Variants in GPC6 observed in about 807,000 individuals in gnomAD.
The protein encoded by GPC6 is glypican-6.
GPC6 carries 14 observed loss-of-function variants against 55.2 expected under a neutral mutation model. The observed-to-expected ratio is 0.25, with a 90% CI of 0.17 to 0.40. The LOEUF (loss-of-function observed/expected upper bound fraction) is 0.40, where lower values mean the gene tolerates loss of function less well. GPC6 is among the 10% of genes least tolerant of loss of function. The pLI is 1.00. For synonymous variants in GPC6, 278 were observed against 259.6 expected (o/e 1.07, Z -0.68); for missense variants, 641 against 708.5 (o/e 0.90, Z 1.08).
intron 1 of GPC6, among the ~76,000 whole-genome samples, chr13:93,341,137 T>G (rs2139150642): frequency 6.6e-6 from 1 of 152,350 alleles, no homozygotes; most frequent in South Asian, 2.1e-4. Flanking sequence ...TAGCACATTT[T>G]CTTTATCCAC....
intron 2 of GPC6, among the ~76,000 whole-genome samples, chr13:93,556,821 C>T (rs1354230037): frequency 6.6e-6 from 1 of 152,036 alleles, no homozygotes; most frequent in Non-Finnish European, 1.5e-5. Flanking sequence ...CTTTCTGCGC[C>T]TGGCTTATTT....
At chr13:93,373,944 TCAA>T (rs1874780060) in intron 1 of GPC6, among the ~76,000 whole-genome samples, 1 of 152,218 alleles carries the variant, frequency 6.6e-6, no homozygotes, top group African/African-American at 2.4e-5. Flanking sequence ...ACTGAGTGCC[TCAA>T]ATGTCCTGAG....
chr13:93,380,983 A>G (rs1410965053), intron 1 of GPC6, among the ~76,000 whole-genome samples: 1 of 152,140 alleles, frequency 6.6e-6, no homozygotes, highest in Admixed American at 6.6e-5. Context: ...GCATTCTACT[A>G]AACTATTTAA....
intron 1 of GPC6, among the ~76,000 whole-genome samples, chr13:93,284,896 T>C (rs1268381078): frequency 6.6e-6 from 1 of 152,160 alleles, no homozygotes; most frequent in Non-Finnish European, 1.5e-5. Context: ...GGTTGTTATA[T>C]GGTCTGGGAA....
intron 1 of GPC6, among the ~76,000 whole-genome samples, chr13:93,362,788 A>AT (rs1347612409): frequency 1.3e-5 from 2 of 152,130 alleles, no homozygotes; most frequent in Non-Finnish European, 2.9e-5. Flanking sequence ...ACTGTGGTAC[A>AT]TTTTGTCCTA....
intron 2 of GPC6, among the ~76,000 whole-genome samples, chr13:93,585,139 A>G (rs1463320120): frequency 6.6e-6 from 1 of 152,208 alleles, no homozygotes; most frequent in African/African-American, 2.4e-5. Flanking sequence ...TGTTGTGACA[A>G]CCGATATGTG....
chr13:93,959,165 T>A (rs9516320), intron 3 of GPC6, among the ~76,000 whole-genome samples: 4 of 112,732 alleles, frequency 3.5e-5, no homozygotes, highest in Admixed American at 9.6e-5. Context: ...GTATGATTTT[T>A]TTTTTTTTTT....
intron 2 of GPC6, among the ~76,000 whole-genome samples, chr13:93,772,069 C>A (rs2138893693): frequency 6.6e-6 from 1 of 152,216 alleles, no homozygotes; most frequent in Middle Eastern, 3.4e-3. Context: ...ATGCTTTTGG[C>A]CCATAGCCCT....
chr13:93,939,224 T>C (rs1455597822), intron 3 of GPC6, among the ~76,000 whole-genome samples: 2 of 151,460 alleles, frequency 1.3e-5, no homozygotes, highest in Non-Finnish European at 2.9e-5. Flanking sequence ...GCCTGAATAG[T>C]TTAGATTGTC....
intron 4 of GPC6, among the ~76,000 whole-genome samples, chr13:94,169,848 G>A (rs1255295863): frequency 6.6e-6 from 1 of 151,994 alleles, no homozygotes; most frequent in African/African-American, 2.4e-5. Flanking sequence ...TTGCTGGAGA[G>A]TCCTACTCCA....
At chr13:94,258,556 T>C (rs1463641869) in intron 4 of GPC6, among the ~76,000 whole-genome samples, 7 of 152,230 alleles carry the variant, frequency 4.6e-5, no homozygotes, top group Admixed American at 2.6e-4. Flanking sequence ...CCACAAAGGT[T>C]TTCAGCATAC....
chr13:93,671,062 G>C (rs190852043), intron 2 of GPC6, among the ~76,000 whole-genome samples: 1 of 152,196 alleles, frequency 6.6e-6, no homozygotes, highest in African/African-American at 2.4e-5. Context: ...GTCTCTCAAT[G>C]GTTTCTCATT....
At chr13:93,822,829 TTTATTATTATTATTATTATTATTATTTTA>T (rs1887101232) in intron 2 of GPC6, among the ~76,000 whole-genome samples, 1 of 148,462 alleles carries the variant, frequency 6.7e-6, no homozygotes, top group Non-Finnish European at 1.5e-5. Flanking sequence ...CCACATTTTC[TTTATTATTATTATTATTATTATTATTTTA>T]TTATTATTAT....
intron 1 of GPC6, among the ~76,000 whole-genome samples, chr13:93,363,107 C>CT (rs1181781265): frequency 5.2e-4 from 66 of 126,310 alleles, no homozygotes; most frequent in African/African-American, 1.6e-3. Context: ...TTTTTCTTTC[C>CT]TTTTTTTTTG....
chr13:94,292,533 A>T (rs778231688), intron 5 of GPC6, among the ~76,000 whole-genome samples: 4 of 151,864 alleles, frequency 2.6e-5, no homozygotes, highest in Non-Finnish European at 5.9e-5. Context: ...ATTGCTTCCA[A>T]CCTCTCCTAG....
Position 93,227,365 on chromosome 13 carries a change from C to T in GPC6, c.-92C>T. The T allele has an allele frequency of 7.6e-7, 1 of 1,320,744 alleles. No individual in the cohort carries two copies. Among genetic ancestry groups the T allele is most frequent in the Non-Finnish European group, 1.1e-6 (1 of 939,026 alleles). The allele number at this position is 1,320,744 out of a possible 1,614,324, so 81.8% of individuals were successfully genotyped here. On this transcript the variant is annotated 5_prime_UTR_variant, in exon 1 of 9. Coordinates refer to ENST00000377047, the MANE Select transcript of GPC6 (RefSeq NM_005708.5). The surrounding 1 kb of genome is among the most constrained non-coding windows in gnomAD (Gnocchi z 4.3). ...TGACGCTGGGCAGCGGCGAGGAGCG[C>T]GCCGCTGCCTCTGGCGGGCTTTCGG...
intron 3 of GPC6, among the ~76,000 whole-genome samples, chr13:93,864,427 A>G (rs1888901595): frequency 6.6e-6 from 1 of 151,624 alleles, no homozygotes; most frequent in South Asian, 2.1e-4. Flanking sequence ...GACTTCCACC[A>G]GTGCAAAATG....
At chr13:93,304,334 G>A (rs924498467) in intron 1 of GPC6, among the ~76,000 whole-genome samples, 8 of 152,196 alleles carry the variant, frequency 5.3e-5, no homozygotes, top group African/African-American at 1.4e-4. Flanking sequence ...TGCAGCCAGC[G>A]CGAGGTTTTC....
chr13:93,955,876 G>C (rs539743651), intron 3 of GPC6, among the ~76,000 whole-genome samples: 4 of 152,276 alleles, frequency 2.6e-5, no homozygotes, highest in Admixed American at 2.0e-4. Flanking sequence ...TCCTGACAGA[G>C]AAGTTAGCAC....
Sources: gnomAD v4.1 joint callset for allele counts (sites outside exome capture counted in the v4.1 genomes callset) on GRCh38, gnomAD v4.1.1 for gene constraint, Gnocchi (gnomAD v3.1) non-coding constraint, MANE v1.5 for transcripts, NCBI Gene and HGNC (gene_info 2026-07-23, HGNC 2026-07-21) for gene names.